The following PXDNL variants were observed in gnomAD, a reference collection of about 807,000 sequenced individuals.
PXDNL encodes probable oxidoreductase PXDNL.
Under a neutral mutation model 150.8 loss-of-function variants are expected in PXDNL, and 145 were observed. That is an observed-to-expected ratio of 0.96 (90% CI 0.84 to 1.10). PXDNL has a LOEUF of 1.10. Ranked by LOEUF, PXDNL falls within the 50% of genes least tolerant of loss-of-function variation. PXDNL has a pLI of 0.00. For missense variants in PXDNL, 2,087 were observed against 1,873.9 expected (o/e 1.11, Z -2.10); for synonymous variants, 757 against 725.7 (o/e 1.04, Z -0.69).
chr8:51,533,630 G>C (rs201548349), intron 4 of PXDNL, among the ~76,000 whole-genome samples: 16,796 of 129,660 alleles, frequency 0.13, 1,881 homozygotes, highest in African/African-American at 0.3. Context: ...AGTGCCTGCG[G>C]ACGCCGCCAC....
chr8:51,350,089 A>G (rs1014335632), intron 19 of PXDNL, among the ~76,000 whole-genome samples: 1 of 152,098 alleles, frequency 6.6e-6, no homozygotes, highest in Non-Finnish European at 1.5e-5. Flanking sequence ...ACACGGACAC[A>G]CACGAGGAGT....
chr8:51,581,905 A>G (rs1383387809), intron 3 of PXDNL, among the ~76,000 whole-genome samples: 2 of 152,122 alleles, frequency 1.3e-5, no homozygotes, highest in Non-Finnish European at 2.9e-5. Context: ...ATGCCTGTTC[A>G]GATTTTCTAT....
chr8:51,552,022 A>C (rs1455597139), intron 4 of PXDNL, among the ~76,000 whole-genome samples: 2 of 152,238 alleles, frequency 1.3e-5, no homozygotes, highest in Non-Finnish European at 2.9e-5. Context: ...TAAGGACATG[A>C]ATAGACAATG....
At chr8:51,744,437 G>A (rs960300423) in intron 1 of PXDNL, among the ~76,000 whole-genome samples, 2 of 151,144 alleles carry the variant, frequency 1.3e-5, no homozygotes, top group South Asian at 2.1e-4. Context: ...GGAGGCCGAG[G>A]TGGATAGATC....
chr8:51,371,625 G>A (rs1028272041), intron 19 of PXDNL, among the ~76,000 whole-genome samples: 1 of 152,216 alleles, frequency 6.6e-6, no homozygotes, highest in Admixed American at 6.5e-5. Flanking sequence ...AGAAGGCAGA[G>A]GCCAGTTTTG....
intron 1 of PXDNL, among the ~76,000 whole-genome samples, chr8:51,708,285 G>A (rs905911146): frequency 2.6e-5 from 4 of 152,232 alleles, no homozygotes; most frequent in Non-Finnish European, 5.9e-5. Context: ...GAGCAGGAAG[G>A]GGAGGCCCTG....
chr8:51,644,318 T>TTATATATATTTATATATATATATA (rs1406776100), intron 2 of PXDNL, among the ~76,000 whole-genome samples: 1 of 63,270 alleles, frequency 1.6e-5, no homozygotes, highest in Non-Finnish European at 4.2e-5. Flanking sequence ...AGGCACATTT[T>TTATATATATTTATATATATATATA]TACATATATA....
chr8:51,487,987 T>C (rs1810805999), intron 5 of PXDNL, among the ~76,000 whole-genome samples: 1 of 152,192 alleles, frequency 6.6e-6, no homozygotes, highest in South Asian at 2.1e-4. Flanking sequence ...GTAAATTTGC[T>C]TGAATTTAGA....
chr8:51,321,668 C>T (rs543239388), intron 21 of PXDNL, among the ~76,000 whole-genome samples: 1 of 152,082 alleles, frequency 6.6e-6, no homozygotes, highest in Non-Finnish European at 1.5e-5. Flanking sequence ...GCTTGCTTCC[C>T]CTTTGCCTTC....
chr8:51,517,902 A>G (rs1052999505), intron 4 of PXDNL, among the ~76,000 whole-genome samples: 1 of 152,128 alleles, frequency 6.6e-6, no homozygotes, highest in Non-Finnish European at 1.5e-5. Flanking sequence ...CTATTTCTTT[A>G]TAGTTGGGTG....
intron 4 of PXDNL, among the ~76,000 whole-genome samples, chr8:51,526,308 A>G (rs2130406833): frequency 6.6e-6 from 1 of 151,994 alleles, no homozygotes; most frequent in East Asian, 1.9e-4. Context: ...AGAGTGAGAA[A>G]TCTTCCCGTA....
chr8:51,718,347 T>A (rs1816658969), intron 1 of PXDNL, among the ~76,000 whole-genome samples: 1 of 152,192 alleles, frequency 6.6e-6, no homozygotes, highest in Admixed American at 6.5e-5. Flanking sequence ...CTCTCCACCC[T>A]TTAGTGAGTG....
chr8:51,422,921 AC>A (rs1808994002), intron 14 of PXDNL, among the ~76,000 whole-genome samples: 1 of 152,236 alleles, frequency 6.6e-6, no homozygotes, highest in African/African-American at 2.4e-5. Flanking sequence ...AAGTCTGCCT[AC>A]AAATGGACTC....
chr8:51,774,091 T>C (rs2037327145), intron 1 of PXDNL, among the ~76,000 whole-genome samples: 1 of 152,230 alleles, frequency 6.6e-6, no homozygotes, highest in South Asian at 2.1e-4. Context: ...CAGTCTAATT[T>C]AGAAGAAAGT....
intron 5 of PXDNL, among the ~76,000 whole-genome samples, chr8:51,496,275 T>A (rs572392590): frequency 9.7e-4 from 148 of 152,340 alleles, no homozygotes; most frequent in Admixed American, 1.4e-3. Context: ...TGATGAGATG[T>A]ATCTCAAAAT....
chr8:51,553,281 T>A (rs1366767197), intron 4 of PXDNL, among the ~76,000 whole-genome samples: 1 of 152,126 alleles, frequency 6.6e-6, no homozygotes, highest in African/African-American at 2.4e-5. Flanking sequence ...TCAATAGTTC[T>A]GGGATCTTGG....
chr8:51,561,632 A>T (rs1378831206), intron 3 of PXDNL, among the ~76,000 whole-genome samples: 1 of 151,968 alleles, frequency 6.6e-6, no homozygotes, highest in Non-Finnish European at 1.5e-5. Context: ...CAAGAAGACA[A>T]ATACTATGTG....
At chr8:51,595,764 C>T (rs1176404021) in intron 2 of PXDNL, among the ~76,000 whole-genome samples, 2 of 151,904 alleles carry the variant, frequency 1.3e-5, no homozygotes, top group African/African-American at 4.8e-5. Flanking sequence ...TAATCTGTCA[C>T]AGCCACAGAA....
At chr8:51,744,040 AGG>A (rs1356312933) in intron 1 of PXDNL, among the ~76,000 whole-genome samples, 7 of 34,246 alleles carry the variant, frequency 2.0e-4, no homozygotes, top group African/African-American at 6.9e-4. Flanking sequence ...GAAGGAAGGA[AGG>A]AAGGAAGGAA....
Sources: allele counts gnomAD v4.1 joint callset (sites outside exome capture counted in the v4.1 genomes callset), GRCh38; gene constraint gnomAD v4.1.1; transcripts MANE v1.5; gene names NCBI Gene and HGNC (gene_info 2026-07-23, HGNC 2026-07-21).